RBFOX1: variants seen among roughly 807,000 people sequenced by gnomAD.
The protein encoded by RBFOX1 is RNA binding protein fox-1 homolog 1.
A neutral mutation model predicts 57.7 loss-of-function variants in RBFOX1; 8 were observed. The ratio of observed to expected loss-of-function variants is 0.14; its 90% confidence interval spans 0.08 to 0.25. The LOEUF (loss-of-function observed/expected upper bound fraction) is 0.25, where lower values mean the gene tolerates loss of function less well. Among genes scored for constraint, RBFOX1 ranks in the 10% least tolerant of loss-of-function variants. The pLI is 1.00. For missense variants in RBFOX1, 611 were observed against 548.5 expected (o/e 1.11, Z -1.14); for synonymous variants, 326 against 222.4 (o/e 1.47, Z -4.15).
chr16:6,652,431 A>G (rs2098604134), intron 2 of RBFOX1, among the ~76,000 whole-genome samples: 2 of 151,802 alleles, frequency 1.3e-5, no homozygotes, highest in African/African-American at 4.8e-5. Context: ...CTGGCGACAG[A>G]GCTAGACTCC....
intron 4 of RBFOX1, among the ~76,000 whole-genome samples, chr16:7,172,881 A>G (rs900343335): frequency 6.6e-6 from 1 of 152,170 alleles, no homozygotes; most frequent in African/African-American, 2.4e-5. Flanking sequence ...TCAATTTGAA[A>G]CTGACCTGCC....
intron 2 of RBFOX1, among the ~76,000 whole-genome samples, chr16:5,516,393 C>T (rs781594348): frequency 2.6e-5 from 4 of 152,096 alleles, no homozygotes; most frequent in African/African-American, 9.7e-5. Flanking sequence ...TATTTCTTGT[C>T]TCCCATCACC....
At chr16:5,911,995 G>A (rs1002229395) in intron 4 of RBFOX1, among the ~76,000 whole-genome samples, 1 of 152,130 alleles carries the variant, frequency 6.6e-6, no homozygotes, top group Non-Finnish European at 1.5e-5. Flanking sequence ...TTGGAGACAG[G>A]AAGACCAAAG....
intron 3 of RBFOX1, among the ~76,000 whole-genome samples, chr16:5,618,329 ATT>A (rs71142632): frequency 0.83 from 124,191 of 149,650 alleles, 53,945 homozygotes; most frequent in East Asian, 0.99. Context: ...ATGGCTGCAG[ATT>A]TTTTTTTTTT....
At chr16:6,425,390 C>G (rs1252420123) in intron 2 of RBFOX1, among the ~76,000 whole-genome samples, 2 of 152,232 alleles carry the variant, frequency 1.3e-5, no homozygotes, top group African/African-American at 4.8e-5. Context: ...CCTGAATATT[C>G]CAATTATATT....
At chr16:6,720,358 C>T (rs2065736533) in intron 3 of RBFOX1, among the ~76,000 whole-genome samples, 1 of 152,172 alleles carries the variant, frequency 6.6e-6, no homozygotes, top group African/African-American at 2.4e-5. Context: ...TTTCCTCAGT[C>T]TTCCTAGCCA....
intron 1 of RBFOX1, among the ~76,000 whole-genome samples, chr16:6,077,707 T>TATTTATTTATTTATTTATTC (rs1158266835): frequency 1.6e-4 from 24 of 151,708 alleles, no homozygotes; most frequent in Non-Finnish European, 2.9e-4. Context: ...TTTATTTATT[T>TATTTATTTATTTATTTATTC]ATTCATTTAT....
intron 3 of RBFOX1, among the ~76,000 whole-genome samples, chr16:6,774,838 G>C (rs760598603): frequency 6.6e-6 from 1 of 151,988 alleles, no homozygotes; most frequent in Admixed American, 6.6e-5. Flanking sequence ...GGCCTACTGA[G>C]CATTTGAAAT....
chr16:7,212,669 G>A (rs554012250), intron 4 of RBFOX1, among the ~76,000 whole-genome samples: 10 of 152,248 alleles, frequency 6.6e-5, no homozygotes, highest in South Asian at 2.1e-4. Context: ...TATTTGAGGA[G>A]TGTAGTTATT....
chr16:5,362,347 C>T (rs1018334220), intron 1 of RBFOX1, among the ~76,000 whole-genome samples: 8 of 152,012 alleles, frequency 5.3e-5, no homozygotes, highest in East Asian at 1.9e-4. Flanking sequence ...CACGCCACCA[C>T]GCCCAGATGG....
intron 4 of RBFOX1, among the ~76,000 whole-genome samples, chr16:7,242,163 T>C (rs946027291): frequency 6.6e-6 from 1 of 152,152 alleles, no homozygotes; most frequent in African/African-American, 2.4e-5. Flanking sequence ...GAGAAACCCA[T>C]ATATGTGTAG....
At chr16:6,434,823 A>T (rs542134150) in intron 2 of RBFOX1, among the ~76,000 whole-genome samples, 1 of 152,152 alleles carries the variant, frequency 6.6e-6, no homozygotes, top group African/African-American at 2.4e-5. Flanking sequence ...CTTCTCTTCC[A>T]ATGATTTGTA....
intron 4 of RBFOX1, among the ~76,000 whole-genome samples, chr16:7,130,385 T>C (rs1396339476): frequency 2.6e-5 from 4 of 152,146 alleles, no homozygotes; most frequent in Admixed American, 2.6e-4. Context: ...TGTTTGTCCA[T>C]TGTGCTCTGG....
intron 3 of RBFOX1, among the ~76,000 whole-genome samples, chr16:5,646,279 C>T (rs1330476578): frequency 1.3e-5 from 2 of 151,380 alleles, no homozygotes; most frequent in East Asian, 2.0e-4. Context: ...CCTTCCTCGG[C>T]CTCCCAAAGT....
At chr16:5,839,656 C>G (rs1355884219) in intron 3 of RBFOX1, among the ~76,000 whole-genome samples, 2 of 152,192 alleles carry the variant, frequency 1.3e-5, no homozygotes, top group Non-Finnish European at 2.9e-5. Context: ...ATCAGGAATT[C>G]AAGCTTTACT....
intron 3 of RBFOX1, among the ~76,000 whole-genome samples, chr16:6,837,985 G>T (rs1372615785): frequency 6.7e-6 from 1 of 149,846 alleles, no homozygotes; most frequent in Non-Finnish European, 1.5e-5. Flanking sequence ...CCTTTCCATG[G>T]CAATACTGGG....
chr16:6,679,875 CTTGTTTTTT>C (rs1269671916), intron 3 of RBFOX1, among the ~76,000 whole-genome samples: 3 of 96,586 alleles, frequency 3.1e-5, no homozygotes, highest in East Asian at 3.2e-4. Flanking sequence ...ATAGTTTCTA[CTTGTTTTTT>C]TTTTTTTTTT....
intron 1 of RBFOX1, among the ~76,000 whole-genome samples, chr16:5,244,006 C>T (rs1396865884): frequency 2.0e-5 from 3 of 152,128 alleles, no homozygotes; most frequent in African/African-American, 4.8e-5. Flanking sequence ...AAGTGATTCT[C>T]CTGCCTCAGC....
intron 3 of RBFOX1, among the ~76,000 whole-genome samples, chr16:6,862,478 C>G (rs547116501): frequency 6.6e-6 from 1 of 152,172 alleles, no homozygotes; most frequent in Non-Finnish European, 1.5e-5. Flanking sequence ...TTACAGTTAC[C>G]TAGGAAAAGG....
Sources: allele counts gnomAD v4.1 joint callset (sites outside exome capture counted in the v4.1 genomes callset), GRCh38; gene constraint gnomAD v4.1.1; transcripts MANE v1.5; gene names NCBI Gene and HGNC (gene_info 2026-07-23, HGNC 2026-07-21).